Variants in SLC15A5 observed in about 807,000 individuals in gnomAD.
The protein encoded by SLC15A5 is solute carrier family 15 member 5.
Under a neutral mutation model 56.1 loss-of-function variants are expected in SLC15A5, and 58 were observed. The ratio of observed to expected loss-of-function variants is 1.03; its 90% CI spans 0.84 to 1.29. The LOEUF (loss-of-function observed/expected upper bound fraction) is 1.29, where lower values mean the gene tolerates loss of function less well. SLC15A5 is among the 50% of genes most tolerant of loss of function. SLC15A5 has a pLI of 0.00. For synonymous variants in SLC15A5, 264 were observed against 250.5 expected (o/e 1.05, Z -0.51); for missense variants, 681 against 672.1 (o/e 1.01, Z -0.15).
intron 3 of SLC15A5, among the ~76,000 whole-genome samples, chr12:16,246,732 A>T (rs1197549281): frequency 6.6e-6 from 1 of 152,162 alleles, no homozygotes; most frequent in East Asian, 1.9e-4. Flanking sequence ...TTTTAAACTC[A>T]CTAACCGTTT....
At chr12:16,266,971 C>A (rs1008080699) in intron 2 of SLC15A5, among the ~76,000 whole-genome samples, 1 of 152,124 alleles carries the variant, frequency 6.6e-6, no homozygotes, top group Non-Finnish European at 1.5e-5. Flanking sequence ...CAAAACTCAG[C>A]AATCCTTATG....
At chr12:16,251,178 G>T (rs767710086) in intron 3 of SLC15A5, among the ~76,000 whole-genome samples, 20 of 151,896 alleles carry the variant, frequency 1.3e-4, no homozygotes, top group Non-Finnish European at 2.5e-4. Context: ...CTTATGAGAT[G>T]CAGCAAGAGT....
intron 7 of SLC15A5, among the ~76,000 whole-genome samples, chr12:16,202,466 A>G (rs1863967504): frequency 6.6e-6 from 1 of 152,194 alleles, no homozygotes; most frequent in African/African-American, 2.4e-5. Context: ...GGATGTGGAG[A>G]AAATGAAACC....
At chr12:16,224,097 G>A (rs978356639) in intron 6 of SLC15A5, among the ~76,000 whole-genome samples, 4 of 152,122 alleles carry the variant, frequency 2.6e-5, no homozygotes, top group Admixed American at 6.5e-5. Flanking sequence ...TTAGTGTTCT[G>A]GAGTTGTCTT....
In SLC15A5 at chr12:16,269,161, A is replaced by G. The variant is rs148819988; in HGVS notation, c.584+3400T>C. Among the ~76,000 whole-genome samples, 400 of 152,278 alleles carry G rather than the reference A, an allele frequency of 2.6e-3. 2 individuals carry two copies. The highest frequency in any genetic ancestry group is 9.3e-3 in the African/African-American group (386 of 41,570). On this transcript the variant is annotated intron_variant, in intron 2 of 8. Coordinates refer to ENST00000344941, the MANE Select transcript of SLC15A5 (RefSeq NM_001170798.1). This position sits in a 1 kb window ranked among gnomAD's most constrained non-coding sequence, Gnocchi z 4.7. ...TTTATAAGCCAGCCAATCTCTGCTG[A>G]TTTGTTATTGCAGCCTGAATAGACT...
At chr12:16,242,980 C>G (rs1864427598) in intron 4 of SLC15A5, among the ~76,000 whole-genome samples, 3 of 152,134 alleles carry the variant, frequency 2.0e-5, no homozygotes, top group Admixed American at 2.0e-4. Flanking sequence ...TTTGAATCTT[C>G]TAAATCAGAC....
intron 7 of SLC15A5, among the ~76,000 whole-genome samples, chr12:16,199,723 C>G (rs925876435): frequency 4.6e-5 from 7 of 151,962 alleles, no homozygotes; most frequent in African/African-American, 1.4e-4. Flanking sequence ...AACAAGTACA[C>G]CTAGTATGTA....
chr12:16,208,798 T>C (rs1418060239), intron 7 of SLC15A5, among the ~76,000 whole-genome samples: 1 of 152,194 alleles, frequency 6.6e-6, no homozygotes, highest in Non-Finnish European at 1.5e-5. Flanking sequence ...AGAAGGTGTA[T>C]GCATTTTTTT....
At position 16,257,294 on chromosome 12, in the gene SLC15A5, C is replaced by T. The variant is rs992123147; in HGVS notation, c.754+407G>A. 2.0e-5 allele frequency among the ~76,000 whole-genome samples: 3 copies of T among 151,856 alleles called. No homozygotes were observed. In the East Asian group the frequency reaches 5.8e-4, roughly 29 times the overall value. Reference sequence around the variant, plus strand: ...ATTTAGTTTTTGCTTGAAAATTACCCGGGTGAGAAGAAGAAAAAGTGAGTG... The same window carrying T: ...ATTTAGTTTTTGCTTGAAAATTACCTGGGTGAGAAGAAGAAAAAGTGAGTG... On this transcript the variant is annotated intron_variant, in intron 3 of 8. Coordinates refer to ENST00000344941, the MANE Select transcript of SLC15A5 (RefSeq NM_001170798.1).
chr12:16,265,937 A>G (rs1343377229), intron 2 of SLC15A5, among the ~76,000 whole-genome samples: 1 of 152,236 alleles, frequency 6.6e-6, no homozygotes, highest in African/African-American at 2.4e-5. Context: ...TAGGTTCAAA[A>G]TAAATGGAGA....
At chr12:16,239,921 A>G in intron 4 of SLC15A5, 54 bp from the exon 5 acceptor site, 1 of 1,463,800 alleles carries the variant, frequency 6.8e-7, no homozygotes, top group Non-Finnish European at 9.1e-7. Flanking sequence ...AACTTTGAAG[A>G]AAGCATCGTC....
At chr12:16,200,292 C>T (rs1372645044) in intron 7 of SLC15A5, among the ~76,000 whole-genome samples, 5 of 151,404 alleles carry the variant, frequency 3.3e-5, no homozygotes, top group Non-Finnish European at 5.9e-5. Flanking sequence ...AAAGGAAAAA[C>T]TATTTTAAAG....
chr12:16,194,468 T>C lies in SLC15A5; in HGVS notation c.1484-15A>G, dbSNP rs1162654403. On this transcript the variant is annotated splice_polypyrimidine_tract_variant and intron_variant, in intron 7 of 8. Transcript: ENST00000344941. Reference sequence around the variant, plus strand: ...AAACCAATTGCCTGTTTGGAACAAATGTAATTGTTATTCAACTGCAGAGTT... The same window carrying C: ...AAACCAATTGCCTGTTTGGAACAAACGTAATTGTTATTCAACTGCAGAGTT... 4.1e-6 allele frequency: 6 copies of C among 1,480,924 alleles called. No individual in the cohort carries two copies. The East Asian group carries it at 7.4e-5, about 18-fold the overall frequency. The allele number at this position is 1,480,924 out of a possible 1,614,324, so 91.7% of individuals were successfully genotyped here.
chr12:16,197,085 T>TA (rs200484038), intron 7 of SLC15A5, among the ~76,000 whole-genome samples: 37,373 of 146,756 alleles, frequency 0.25, 4,663 homozygotes, highest in African/African-American at 0.29. Flanking sequence ...GGGATTATCT[T>TA]AAAAAAAAAA....
At chr12:16,234,965 A>T (rs553114268) in intron 5 of SLC15A5, among the ~76,000 whole-genome samples, 4 of 152,070 alleles carry the variant, frequency 2.6e-5, no homozygotes, top group African/African-American at 9.7e-5. Flanking sequence ...TCACAGCCTT[A>T]AGTATGAAAT....
chr12:16,249,304 C>T (rs550205030), intron 3 of SLC15A5, among the ~76,000 whole-genome samples: 11 of 152,158 alleles, frequency 7.2e-5, no homozygotes, highest in African/African-American at 2.6e-4. Context: ...TTTAAGGTCA[C>T]CTGTGGCTTT....
At chr12:16,211,200 G>A (rs1163811970) in intron 7 of SLC15A5, among the ~76,000 whole-genome samples, 2 of 152,152 alleles carry the variant, frequency 1.3e-5, no homozygotes, top group Admixed American at 1.3e-4. Context: ...ATAGGTATGA[G>A]CCCATGAAAT....
At chr12:16,275,903 A>C (rs1565677719) in intron 1 of SLC15A5, among the ~76,000 whole-genome samples, 1 of 151,924 alleles carries the variant, frequency 6.6e-6, no homozygotes, top group Non-Finnish European at 1.5e-5. Context: ...CTTATCAGAA[A>C]ACTTTTTCTC....
chr12:16,212,312 T>G (rs559544088), intron 7 of SLC15A5, among the ~76,000 whole-genome samples: 1 of 152,274 alleles, frequency 6.6e-6, no homozygotes, highest in Admixed American at 6.5e-5. Flanking sequence ...GAAGTACAAT[T>G]TCCTTTTTTT....
Sources: allele counts gnomAD v4.1 joint callset (sites outside exome capture counted in the v4.1 genomes callset), GRCh38; gene constraint gnomAD v4.1.1; non-coding constraint Gnocchi (gnomAD v3.1); transcripts MANE v1.5; gene names NCBI Gene and HGNC (gene_info 2026-07-23, HGNC 2026-07-21).